DLC1: variants seen among roughly 807,000 people sequenced by gnomAD.
DLC1 encodes rho GTPase-activating protein 7.
A neutral mutation model predicts 140.3 loss-of-function variants in DLC1; 54 were observed. That is an observed-to-expected ratio of 0.38 (90% CI 0.31 to 0.48). The LOEUF (loss-of-function observed/expected upper bound fraction) is 0.48, where lower values mean the gene tolerates loss of function less well. Among genes scored for constraint, DLC1 ranks in the 20% least tolerant of loss-of-function variants. DLC1 has a pLI of 0.96. For missense variants in DLC1, 2,536 were observed against 1,907.0 expected (o/e 1.33, Z -6.14); for synonymous variants, 986 against 728.1 (o/e 1.35, Z -5.70).
chr8:13,486,349 TC>T (rs1411502606), intron 2 of DLC1, among the ~76,000 whole-genome samples: 2 of 151,928 alleles, frequency 1.3e-5, no homozygotes, highest in African/African-American at 2.4e-5. Flanking sequence ...GATGTTTTTT[TC>T]CCCCGCACAC....
intron 4 of DLC1, among the ~76,000 whole-genome samples, chr8:13,326,716 C>T (rs899960673): frequency 6.6e-5 from 10 of 152,156 alleles, no homozygotes; most frequent in Non-Finnish European, 1.0e-4. Flanking sequence ...ATCTACCGGG[C>T]CTGCTCTCAA....
chr8:13,405,202 T>C (rs1335517528), intron 2 of DLC1, among the ~76,000 whole-genome samples: 2 of 152,130 alleles, frequency 1.3e-5, no homozygotes, highest in Non-Finnish European at 2.9e-5. Context: ...ATGGGTATGT[T>C]GTGTGATGCT....
chr8:13,587,885 C>T (rs901905413), intron 1 of DLC1, among the ~76,000 whole-genome samples: 1 of 151,848 alleles, frequency 6.6e-6, no homozygotes, highest in Non-Finnish European at 1.5e-5. Flanking sequence ...ACTTTCTCAC[C>T]CTTCCCCTCA....
At position 13,095,095 on chromosome 8, in the gene DLC1, A is replaced by C; in HGVS notation, c.3318T>G (p.Cys1106Trp). ...QQAMRYLRNH[C>W]LDQVGLFRKS... is the part of the protein sequence containing the mutation. ...CAGGCAGCGCTCTCACCTGATCCAA[A>C]CAATGGTTCCGGAGGTATCGCATGG... The change falls in exon 11 of 18, where the codon TGT becomes TGG. Residue 1106 changes from cysteine to tryptophan, a missense_variant. Coordinates refer to ENST00000276297, the MANE Select transcript of DLC1 (RefSeq NM_182643.3). 6.2e-7 allele frequency: 1 copy of C among 1,614,234 alleles called. No individual in the cohort carries two copies. The highest frequency in any genetic ancestry group is 2.2e-5 in the East Asian group (1 of 44,888).
intron 2 of DLC1, among the ~76,000 whole-genome samples, chr8:13,405,135 T>C (rs1233156400): frequency 6.6e-6 from 1 of 152,114 alleles, no homozygotes; most frequent in Non-Finnish European, 1.5e-5. Flanking sequence ...TTTATTATAA[T>C]TAACATATTT....
chr8:13,415,448 G>A (rs1192990788), intron 2 of DLC1, among the ~76,000 whole-genome samples: 3 of 150,150 alleles, frequency 2.0e-5, no homozygotes, highest in African/African-American at 7.4e-5. Context: ...CACCCAGGCT[G>A]GAGTGTAGTA....
chr8:13,451,061 A>AAAAAAAAAAAAAAAAAAAAAAG (rs1563357501), intron 2 of DLC1, among the ~76,000 whole-genome samples: 10 of 138,386 alleles, frequency 7.2e-5, no homozygotes, highest in Non-Finnish European at 1.2e-4. Flanking sequence ...AAAAAAAAAA[A>AAAAAAAAAAAAAAAAAAAAAAG]AAAAAAAGAA....
chr8:13,362,060 C>A (rs1835252909), intron 4 of DLC1, among the ~76,000 whole-genome samples: 1 of 152,186 alleles, frequency 6.6e-6, no homozygotes, highest in African/African-American at 2.4e-5. Context: ...CTTGAGAAAA[C>A]AGCAGAACTT....
intron 5 of DLC1, among the ~76,000 whole-genome samples, chr8:13,178,896 A>C (rs9644024): frequency 6.6e-6 from 1 of 151,994 alleles, no homozygotes; most frequent in South Asian, 2.1e-4. Flanking sequence ...TGATATGGCA[A>C]TTCTACCAAA....
chr8:13,243,757 C>G (rs938561939), intron 5 of DLC1, among the ~76,000 whole-genome samples: 7 of 152,216 alleles, frequency 4.6e-5, no homozygotes, highest in African/African-American at 1.7e-4. Flanking sequence ...CGAACAACAT[C>G]AAGTTACTAG....
At position 13,499,300 on chromosome 8, in the gene DLC1, A is replaced by G; in HGVS notation, c.772T>C (p.Leu258=). ...STCNVVQNEF[L]DTPCTNRGLP... ...CCTCTGTTTGTGCAAGGAGTATCCAAGAACTCATTTTGTACTACATTGCAG... is the reference window on the plus strand; with the variant it reads ...CCTCTGTTTGTGCAAGGAGTATCCAGGAACTCATTTTGTACTACATTGCAG... The change falls in exon 2 of 18, where the codon TTG becomes CTG. Residue 258 remains leucine, a synonymous_variant. Transcript: ENST00000276297. 6.2e-7 allele frequency: 1 copy of G among 1,614,144 alleles called. No individual in the cohort carries two copies. The highest frequency in any genetic ancestry group is 8.5e-7 in the Non-Finnish European group (1 of 1,180,024).
At chr8:13,452,000 G>A (rs1011046625) in intron 2 of DLC1, among the ~76,000 whole-genome samples, 2 of 151,964 alleles carry the variant, frequency 1.3e-5, no homozygotes, top group African/African-American at 4.8e-5. Flanking sequence ...GAGTACGAGG[G>A]TTCTATTGGC....
At chr8:13,127,339 A>C (rs1003545565) in intron 5 of DLC1, among the ~76,000 whole-genome samples, 1 of 152,210 alleles carries the variant, frequency 6.6e-6, no homozygotes, top group Non-Finnish European at 1.5e-5. Context: ...TGGACTGGTC[A>C]CTGAACCTCT....
chr8:13,468,579 T>C (rs186957896), intron 2 of DLC1, among the ~76,000 whole-genome samples: 2 of 151,908 alleles, frequency 1.3e-5, no homozygotes, highest in African/African-American at 4.8e-5. Context: ...ATTACTATGT[T>C]GCCCAGGCTG....
At chr8:13,215,419 C>G (rs1412586793) in intron 5 of DLC1, among the ~76,000 whole-genome samples, 1 of 152,030 alleles carries the variant, frequency 6.6e-6, no homozygotes, top group Non-Finnish European at 1.5e-5. Flanking sequence ...AACCCCATCT[C>G]TACTAAAAAT....
intron 1 of DLC1, among the ~76,000 whole-genome samples, chr8:13,577,806 T>C (rs1332716657): frequency 6.6e-6 from 1 of 152,124 alleles, no homozygotes; most frequent in Non-Finnish European, 1.5e-5. Context: ...CCTGCTCATA[T>C]TTTTAAGCTT....
intron 5 of DLC1, among the ~76,000 whole-genome samples, chr8:13,146,019 C>T (rs536471259): frequency 1.3e-5 from 2 of 152,098 alleles, no homozygotes; most frequent in Non-Finnish European, 2.9e-5. Flanking sequence ...TGGCTCATAC[C>T]TGTAATCCCA....
At chr8:13,113,938 T>C (rs529612745) in intron 6 of DLC1, among the ~76,000 whole-genome samples, 8 of 152,380 alleles carry the variant, frequency 5.3e-5, no homozygotes, top group African/African-American at 1.9e-4. Flanking sequence ...CCGGGTATTC[T>C]AACTTGGGAA....
At chr8:13,446,674 T>C (rs1449376309) in intron 2 of DLC1, among the ~76,000 whole-genome samples, 1 of 151,642 alleles carries the variant, frequency 6.6e-6, no homozygotes, top group East Asian at 1.9e-4. Context: ...GGAATGGTGG[T>C]TCACGCCTGT....
Sources: allele counts gnomAD v4.1 joint callset (sites outside exome capture counted in the v4.1 genomes callset), GRCh38; gene constraint gnomAD v4.1.1; transcripts MANE v1.5; gene names NCBI Gene and HGNC (gene_info 2026-07-23, HGNC 2026-07-21).